Variants in EVC observed in about 807,000 individuals in gnomAD.
EVC encodes evC complex member EVC.
In EVC, 116 loss-of-function variants were observed where a neutral mutation model predicts 118.9. The ratio of observed to expected loss-of-function variants is 0.98; its 90% confidence interval spans 0.84 to 1.14. The LOEUF (loss-of-function observed/expected upper bound fraction) is 1.14. EVC is among the 50% of genes most tolerant of loss of function. The pLI, the probability that EVC is intolerant of heterozygous loss-of-function variation, is 0.00. For synonymous variants in EVC, 619 were observed against 534.7 expected, an observed-to-expected ratio of 1.16 and a Z score of -2.18; for missense variants, 1,401 against 1,246.4, an observed-to-expected ratio of 1.12 and a Z score of -1.87.
At chr4:5,774,277 G>A (rs554131431) in intron 11 of EVC, among the ~76,000 whole-genome samples, 2 of 151,680 alleles carry the variant, frequency 1.3e-5, no homozygotes, top group Non-Finnish European at 2.9e-5. Flanking sequence ...TCTGCTCAGA[G>A]GGAATTATTC....
chr4:5,773,897 C>T (rs79855049), intron 11 of EVC, among the ~76,000 whole-genome samples: 10,025 of 152,122 alleles, frequency 0.066, 409 homozygotes, highest in Middle Eastern at 0.2. Flanking sequence ...AGGCTGGGGT[C>T]CCTGGGGAAC....
chr4:5,731,626 A>G lies in EVC; in HGVS notation c.586A>G (p.Asn196Asp), dbSNP rs41269551. The G allele has an allele frequency of 6.2e-7, 1 of 1,614,140 alleles. No homozygotes were observed. Among genetic ancestry groups the G allele is most frequent in the Non-Finnish European group, 8.5e-7 (1 of 1,180,018 alleles). ...TCTCAGCCGCACCTTCCTCCGGGTG[A>G]ACGCCTTCCCTGAAGTGCTGGCCTG... Reference protein sequence around the residue: ...RFLSRTFLRVNAFPEVLACES... With the variant: ...RFLSRTFLRVDAFPEVLACES... The change falls in exon 4 of 21, where the codon AAC becomes GAC. Residue 196 changes from asparagine (N) to aspartate (D), a missense_variant. Physicochemically the swap from Asn to Asp is conservative, Grantham distance 23. Coordinates refer to ENST00000264956, the MANE Select transcript of EVC (RefSeq NM_153717.3). The surrounding 1 kb of genome is among the most constrained non-coding windows in gnomAD (Gnocchi z 5.6).
intron 5 of EVC, among the ~76,000 whole-genome samples, chr4:5,734,601 G>A (rs1727372696): frequency 6.6e-6 from 1 of 152,154 alleles, no homozygotes; most frequent in Non-Finnish European, 1.5e-5. Context: ...AGGCTGCAGT[G>A]AACTGTGATC....
chr4:5,753,166 G>T (rs376929625), intron 9 of EVC, 114 bp downstream of exon 9: 1 of 1,039,156 alleles, frequency 9.6e-7, no homozygotes, highest in African/African-American at 1.6e-5. Flanking sequence ...CCGGGCACAG[G>T]CTGCCTTTCT....
At chr4:5,728,217 C>A (rs1447206511) in intron 2 of EVC, among the ~76,000 whole-genome samples, 1 of 152,112 alleles carries the variant, frequency 6.6e-6, no homozygotes, top group Non-Finnish European at 1.5e-5. Flanking sequence ...ATGGAATGTT[C>A]TTCCATTTGT....
At chr4:5,822,835 G>C in the EVC span, among the ~76,000 whole-genome samples, 1 of 152,134 alleles carries the variant, frequency 6.6e-6, no homozygotes, top group African/African-American at 2.4e-5. Flanking sequence ...ACAGAAAAAC[G>C]TAAGTAAGTT....
chr4:5,792,630 G>A (rs1229941866), intron 12 of EVC, among the ~76,000 whole-genome samples: 2 of 152,136 alleles, frequency 1.3e-5, no homozygotes, highest in Non-Finnish European at 2.9e-5. Context: ...CTCCTACATC[G>A]AATTTTATGC....
chr4:5,818,578 A>G (rs1167356258), downstream of EVC, among the ~76,000 whole-genome samples: 1 of 152,278 alleles, frequency 6.6e-6, no homozygotes, highest in African/African-American at 2.4e-5. Context: ...AGATTAATGT[A>G]TCAGTGAGTC....
chr4:5,787,213 A>G (rs1711828853), intron 12 of EVC, among the ~76,000 whole-genome samples: 1 of 152,254 alleles, frequency 6.6e-6, no homozygotes, highest in South Asian at 2.1e-4. Context: ...TTCTGCTCTC[A>G]GTCCCCTTGC....
the EVC span, among the ~76,000 whole-genome samples, chr4:5,822,681 T>TA: frequency 6.6e-6 from 1 of 152,144 alleles, no homozygotes. Flanking sequence ...GTGGGAAGGA[T>TA]AGAGTCCTTA....
At chr4:5,794,323 A>ATT (rs1233388059) in intron 13 of EVC, among the ~76,000 whole-genome samples, 2 of 125,824 alleles carry the variant, frequency 1.6e-5, no homozygotes, top group Non-Finnish European at 3.4e-5. Context: ...ATTTATATAT[A>ATT]TTTATATATA....
chr4:5,783,987 G>C (rs1051501616), intron 12 of EVC, among the ~76,000 whole-genome samples: 4 of 152,236 alleles, frequency 2.6e-5, no homozygotes, highest in Non-Finnish European at 4.4e-5. Context: ...TAAGTTGATC[G>C]ATTAAGAAGA....
chr4:5,825,280 C>A, the EVC span: 3 of 985,186 alleles, frequency 3.0e-6, no homozygotes, highest in Non-Finnish European at 3.6e-6. This position sits in a 1 kb window ranked among gnomAD's most constrained non-coding sequence, Gnocchi z 4.4. Flanking sequence ...CAGGTACCAC[C>A]ATGTTGCCCC....
chr4:5,808,973 G>A (rs1169356239), intron 18 of EVC, among the ~76,000 whole-genome samples: 4 of 152,294 alleles, frequency 2.6e-5, no homozygotes, highest in Middle Eastern at 3.4e-3. Context: ...AGTGGTGGCC[G>A]ATAGGTACTT....
chr4:5,733,874 T>A (rs917058931), intron 5 of EVC, among the ~76,000 whole-genome samples: 1 of 152,158 alleles, frequency 6.6e-6, no homozygotes, highest in Non-Finnish European at 1.5e-5. Context: ...GGTGTCATTA[T>A]CATGTCCACT....
intron 19 of EVC, 137 bp from the exon 20 acceptor site, chr4:5,810,202 A>G (rs535493724): frequency 4.1e-5 from 30 of 735,056 alleles, no homozygotes; most frequent in African/African-American, 1.0e-4. Flanking sequence ...AGTGGCTGCA[A>G]TAGCATAAGA....
intron 11 of EVC, among the ~76,000 whole-genome samples, chr4:5,767,717 C>A (rs998552185): frequency 6.6e-6 from 1 of 152,174 alleles, no homozygotes; most frequent in Non-Finnish European, 1.5e-5. Context: ...TCCCTGACCC[C>A]TTGCGCTTCC....
intron 12 of EVC, among the ~76,000 whole-genome samples, chr4:5,790,946 T>C (rs1396555845): frequency 6.6e-6 from 1 of 151,796 alleles, no homozygotes; most frequent in African/African-American, 2.4e-5. Flanking sequence ...ATACAAAACA[T>C]TAACTGGGCG....
At chr4:5,711,577 G>T in intron 1 of EVC, 23 bp downstream of exon 1, 1 of 1,164,284 alleles carries the variant, frequency 8.6e-7, no homozygotes, top group South Asian at 4.3e-5. Context: ...AGCAGACAGC[G>T]GCGGGGCGGG....
Sources: allele counts gnomAD v4.1 joint callset (sites outside exome capture counted in the v4.1 genomes callset), GRCh38; gene constraint gnomAD v4.1.1; non-coding constraint Gnocchi (gnomAD v3.1); transcripts MANE v1.5; gene names NCBI Gene and HGNC (gene_info 2026-07-23, HGNC 2026-07-21).